The following TBC1D8 variants were observed in gnomAD, a reference collection of about 807,000 sequenced individuals.
The protein encoded by TBC1D8 is BUB2-like protein 1.
Under a neutral mutation model 118.8 loss-of-function variants are expected in TBC1D8, and 65 were observed. That is an observed-to-expected ratio of 0.55 (90% confidence interval 0.45 to 0.67). TBC1D8 has a LOEUF of 0.67. TBC1D8 is among the 30% of genes least tolerant of loss of function. TBC1D8 has a pLI of 0.00. For synonymous variants in TBC1D8, 566 were observed against 595.8 expected (o/e 0.95, Z 0.73); for missense variants, 1,376 against 1,471.2 (o/e 0.94, Z 1.06).
intron 13 of TBC1D8, 33 bp downstream of exon 13, chr2:101,028,270 T>C (rs1480121068): frequency 2.5e-6 from 4 of 1,593,736 alleles, no homozygotes; most frequent in Non-Finnish European, 3.4e-6. Context: ...GGTTAGGGGC[T>C]GCAACGGGGC....
At chr2:101,052,942 T>C (rs1249463720) in intron 4 of TBC1D8, among the ~76,000 whole-genome samples, 1 of 152,210 alleles carries the variant, frequency 6.6e-6, no homozygotes, top group Non-Finnish European at 1.5e-5. Context: ...TACACAGGTA[T>C]ATGCTCCACC....
intron 1 of TBC1D8, among the ~76,000 whole-genome samples, chr2:101,132,458 G>C (rs1037910533): frequency 2.0e-5 from 3 of 152,104 alleles, no homozygotes; most frequent in Non-Finnish European, 4.4e-5. Flanking sequence ...TCTGTGGTTC[G>C]TATTACATTG....
At chr2:101,142,901 T>C (rs1483756961) in intron 1 of TBC1D8, among the ~76,000 whole-genome samples, 1 of 152,122 alleles carries the variant, frequency 6.6e-6, no homozygotes, top group Non-Finnish European at 1.5e-5. Flanking sequence ...TTACAGGTGG[T>C]AGATATATAG....
At chr2:101,024,815 A>C (rs1680242458) in intron 15 of TBC1D8, among the ~76,000 whole-genome samples, 1 of 152,200 alleles carries the variant, frequency 6.6e-6, no homozygotes, top group African/African-American at 2.4e-5. Flanking sequence ...CATTCTACAG[A>C]ATCAGCAGCA....
chr2:101,089,126 G>A (rs1675837958), intron 2 of TBC1D8, among the ~76,000 whole-genome samples: 1 of 152,132 alleles, frequency 6.6e-6, no homozygotes, highest in Non-Finnish European at 1.5e-5. Flanking sequence ...AAGGCAGGCT[G>A]ATCACTGAAG....
In TBC1D8 at chr2:101,028,118, A is replaced by T; in HGVS notation, c.2381T>A (p.Ile794Asn). 6.2e-7 allele frequency: 1 copy of T among 1,613,866 alleles called. No homozygotes were observed. Among genetic ancestry groups the T allele is most frequent in the Non-Finnish European group, 8.5e-7 (1 of 1,179,878 alleles). Residue 794 changes from isoleucine to asparagine, a missense_variant, in exon 14 of 20, where the codon ATC becomes AAC. Coordinates refer to ENST00000409318, the MANE Select transcript of TBC1D8 (RefSeq NM_001330348.2). ...EKFGDQSVEQ[I>N]EHLRYKHRIR... is the part of the protein sequence containing the mutation. ...CCTGTGCTTGTAACGTAGGTGCTCG[A>T]TCTGCTCCACAGACTGGTCTCCAAA...
At chr2:101,011,113 G>T in intron 18 of TBC1D8, 87 bp from the exon 19 acceptor site, 2 of 1,288,858 alleles carry the variant, frequency 1.6e-6, no homozygotes, top group Admixed American at 1.9e-5. Flanking sequence ...GAGGAGCAAG[G>T]GGGTGAGGAA....
At chr2:101,096,443 A>AC (rs752675176) in intron 1 of TBC1D8, among the ~76,000 whole-genome samples, 8,657 of 131,400 alleles carry the variant, frequency 0.066, 513 homozygotes, top group East Asian at 0.15. Flanking sequence ...AAAAAAAAAA[A>AC]AAAACTATAA....
At chr2:101,125,774 C>A (rs552522362) in intron 1 of TBC1D8, among the ~76,000 whole-genome samples, 1 of 152,354 alleles carries the variant, frequency 6.6e-6, no homozygotes, top group African/African-American at 2.4e-5. Flanking sequence ...AAAACCATTA[C>A]CTTTCCTTAA....
intron 2 of TBC1D8, among the ~76,000 whole-genome samples, chr2:101,066,892 C>T (rs567099604): frequency 2.3e-4 from 31 of 137,634 alleles, no homozygotes; most frequent in Admixed American, 9.0e-4. Flanking sequence ...TTGCAGTGAG[C>T]GGAGATCGAG....
intron 1 of TBC1D8, among the ~76,000 whole-genome samples, chr2:101,149,460 T>G (rs7556762): frequency 0.12 from 18,433 of 152,118 alleles, 1,451 homozygotes; most frequent in East Asian, 0.32. Flanking sequence ...CACCGCCTGC[T>G]CTCGGGCCTC....
chr2:101,040,559 T>A (rs1003457634), intron 5 of TBC1D8, among the ~76,000 whole-genome samples, 174 bp from the exon 6 acceptor site: 1 of 152,220 alleles, frequency 6.6e-6, no homozygotes, highest in African/African-American at 2.4e-5. Context: ...AACCTCCACC[T>A]CCCAGGTTCA....
chr2:101,088,907 A>G (rs1430231209), intron 2 of TBC1D8, among the ~76,000 whole-genome samples: 2 of 152,038 alleles, frequency 1.3e-5, no homozygotes, highest in Non-Finnish European at 2.9e-5. Flanking sequence ...CATCTTTGTC[A>G]TTTTATGCAA....
rs1679743002 is a variant in TBC1D8 at position 101,017,508 on chromosome 2, T to C, written c.2827+4173A>G. Among the ~76,000 whole-genome samples the C allele has an allele frequency of 2.6e-5, 4 of 152,246 alleles. No individual in the cohort carries two copies. In the South Asian group the frequency reaches 8.3e-4, roughly 31 times the overall value. ...TAAGATAGGAATTTTTCAGTCTCGCTGTAATCCTATGGGACCACCATCATA... is the reference window on the plus strand; with the variant it reads ...TAAGATAGGAATTTTTCAGTCTCGCCGTAATCCTATGGGACCACCATCATA... On this transcript the variant is annotated intron_variant, in intron 17 of 19. Coordinates refer to ENST00000409318, the MANE Select transcript of TBC1D8 (RefSeq NM_001330348.2).
intron 2 of TBC1D8, among the ~76,000 whole-genome samples, chr2:101,072,522 G>A (rs1384999479): frequency 2.0e-5 from 3 of 152,232 alleles, no homozygotes; most frequent in Admixed American, 2.0e-4. Context: ...TCTGGCACCA[G>A]AGACCAATTT....
intron 1 of TBC1D8, among the ~76,000 whole-genome samples, chr2:101,095,644 G>A (rs1676369864): frequency 6.6e-6 from 1 of 152,016 alleles, no homozygotes; most frequent in Non-Finnish European, 1.5e-5. Flanking sequence ...TCTTAATCCA[G>A]TCTATCATTG....
intron 15 of TBC1D8, among the ~76,000 whole-genome samples, chr2:101,026,707 T>G (rs922533566): frequency 7.9e-5 from 12 of 152,326 alleles, no homozygotes; most frequent in African/African-American, 2.6e-4. Context: ...GTCCACAACG[T>G]GCCTGCCTCT....
chr2:101,032,465 A>C (rs1295040711), intron 10 of TBC1D8, 80 bp from the exon 11 acceptor site: 1 of 1,217,274 alleles, frequency 8.2e-7, no homozygotes, highest in Non-Finnish European at 1.2e-6. Flanking sequence ...AAGCCCAAAC[A>C]ACCCACAAAA....
chr2:101,056,264 C>T (rs956043062), intron 3 of TBC1D8, among the ~76,000 whole-genome samples: 22 of 150,204 alleles, frequency 1.5e-4, no homozygotes, highest in Admixed American at 8.0e-4. Context: ...AGTGCAGTGG[C>T]GTGATCTCGG....
Sources: gnomAD v4.1 joint callset for allele counts (sites outside exome capture counted in the v4.1 genomes callset) on GRCh38, gnomAD v4.1.1 for gene constraint, MANE v1.5 for transcripts, NCBI Gene and HGNC (gene_info 2026-07-23, HGNC 2026-07-21) for gene names.